SLBP: variants seen among roughly 807,000 people sequenced by gnomAD.
SLBP encodes the protein stem-loop histone mRNA binding protein, also known as histone RNA hairpin-binding protein.
In SLBP, 29 loss-of-function variants were observed where a neutral mutation model predicts 39.2. The ratio of observed to expected loss-of-function variants is 0.74; its 90% CI spans 0.55 to 1.01. The LOEUF (loss-of-function observed/expected upper bound fraction) is 1.01, where lower values mean the gene tolerates loss of function less well. Among genes scored for constraint, SLBP ranks in the 50% least tolerant of loss-of-function variants. The pLI is 0.00. For missense variants in SLBP, 390 were observed against 350.2 expected, an observed-to-expected ratio of 1.11 and a Z score of -0.91; for synonymous variants, 129 against 118.7, an observed-to-expected ratio of 1.09 and a Z score of -0.57.
At chr4:1,701,142 T>C (rs887351187) in intron 3 of SLBP, among the ~76,000 whole-genome samples, 3 of 129,462 alleles carry the variant, frequency 2.3e-5, no homozygotes, top group African/African-American at 5.2e-5. Context: ...ATTTTCTTTT[T>C]TTTCTTTTTT....
At chr4:1,705,624 G>A (rs1577184834) in intron 2 of SLBP, among the ~76,000 whole-genome samples, 2 of 152,168 alleles carry the variant, frequency 1.3e-5, no homozygotes, top group African/African-American at 4.8e-5. Context: ...CTGAGACTGG[G>A]TACAGTACTG....
intron 5 of SLBP, 133 bp downstream of exon 5, chr4:1,699,431 G>A (rs937422858): frequency 1.4e-6 from 1 of 714,954 alleles, no homozygotes; most frequent in East Asian, 2.5e-5. Flanking sequence ...ATAAGCCCCA[G>A]TAAGTCCCTA....
At chr4:1,696,444 T>G (rs1716107637) in intron 5 of SLBP, 93 bp from the exon 6 acceptor site, 2 of 1,130,496 alleles carry the variant, frequency 1.8e-6, no homozygotes, top group African/African-American at 3.2e-5. Flanking sequence ...ATTAGTATTA[T>G]TTTAAATATT....
At chr4:1,696,880 C>A (rs995667630) in intron 5 of SLBP, among the ~76,000 whole-genome samples, 13 of 146,752 alleles carry the variant, frequency 8.9e-5, no homozygotes, top group African/African-American at 2.8e-4. Context: ...ATGGGCAACA[C>A]AGCGAGACTT....
chr4:1,696,822 G>A (rs1454389553), intron 5 of SLBP, among the ~76,000 whole-genome samples: 2 of 151,488 alleles, frequency 1.3e-5, no homozygotes, highest in Non-Finnish European at 2.9e-5. Context: ...GCCTGAACCC[G>A]GGAGGCAGAG....
intron 6 of SLBP, among the ~76,000 whole-genome samples, chr4:1,695,952 CAACA>C (rs1716089898): frequency 6.6e-6 from 1 of 152,100 alleles, no homozygotes; most frequent in African/African-American, 2.4e-5. Context: ...AACAGCAAAA[CAACA>C]AACAAAAACT....
intron 5 of SLBP, among the ~76,000 whole-genome samples, chr4:1,698,497 T>A (rs557983980): frequency 2.0e-5 from 3 of 151,698 alleles, no homozygotes; most frequent in Non-Finnish European, 4.4e-5. Context: ...AAAAATTGTT[T>A]TTTTTGAGAT....
intron 2 of SLBP, among the ~76,000 whole-genome samples, chr4:1,710,290 G>A (rs942468541): frequency 5.9e-5 from 9 of 152,156 alleles, no homozygotes; most frequent in African/African-American, 2.2e-4. Context: ...CATCTCCTTT[G>A]CTTCTCTAAG....
At chr4:1,701,150 T>TTTC (rs899219697) in intron 3 of SLBP, among the ~76,000 whole-genome samples, 12 of 147,258 alleles carry the variant, frequency 8.1e-5, no homozygotes, top group Non-Finnish European at 1.8e-4. Context: ...TTTTTTCTTT[T>TTTC]TTTTTTTTTT....
At position 1,699,644 on chromosome 4, in the gene SLBP, A is replaced by G; in HGVS notation, c.399T>C (p.Ser133=). The change falls in exon 5 of 8, where the codon AGT becomes AGC. Residue 133 remains serine, a synonymous_variant. Coordinates refer to ENST00000489418, the MANE Select transcript of SLBP (RefSeq NM_006527.4). ...TCTGCTTCTGTCTCCTCATTAGGAC[A>G]CTTTCATCTGTCTCAAAGTCAGCCG... The part of the protein sequence containing the change: ...TVPADFETDE[S]VLMRRQKQIN... 3.1e-6 allele frequency: 5 copies of G among 1,613,566 alleles called. No homozygotes were observed. The highest frequency in any genetic ancestry group is 1.1e-5 in the South Asian group (1 of 91,078).
chr4:1,699,676 T>C lies in SLBP; in HGVS notation c.367A>G (p.Thr123Ala), dbSNP rs775346139. 4.3e-6 allele frequency: 7 copies of C among 1,613,760 alleles called. No individual in the cohort carries two copies. Among genetic ancestry groups the C allele is most frequent in the South Asian group, 1.1e-5 (1 of 91,078 alleles). The change falls in exon 5 of 8, where the codon ACT becomes GCT. Residue 123 changes from threonine (T) to alanine (A), a missense_variant. Coordinates refer to ENST00000489418, the MANE Select transcript of SLBP (RefSeq NM_006527.4). ...TCTGTCTCAAAGTCAGCCGGCACAG[T>C]AGACATAGACTCCTTTGAATCAGAA... ...GSSDSKESMS[T>A]VPADFETDES...
rs974509344 is a variant in SLBP at position 1,693,305 on chromosome 4, G to T, written c.*292C>A. On this transcript the variant is annotated 3_prime_UTR_variant, in exon 8 of 8. Transcript: ENST00000489418. ...CCTGTGGAAAACCAGTTATGTAGACGTGTCAGCTTACCCTGGAGGACAACA... is the reference window on the plus strand; with the variant it reads ...CCTGTGGAAAACCAGTTATGTAGACTTGTCAGCTTACCCTGGAGGACAACA... The T allele has an allele frequency of 3.5e-6, 1 of 281,800 alleles. No homozygotes were observed. The highest frequency in any genetic ancestry group is 2.2e-5 in the African/African-American group (1 of 45,676). 17.5% of individuals were successfully genotyped at this position (281,800 alleles called of 1,614,324 possible).
At chr4:1,698,232 C>A (rs545708707) in intron 5 of SLBP, among the ~76,000 whole-genome samples, 1 of 151,568 alleles carries the variant, frequency 6.6e-6, no homozygotes, top group Admixed American at 6.6e-5. Context: ...TGGTGGCAGG[C>A]GCCTGTGGAG....
chr4:1,708,410 C>T (rs1226564347), intron 2 of SLBP, among the ~76,000 whole-genome samples: 1 of 152,142 alleles, frequency 6.6e-6, no homozygotes, highest in African/African-American at 2.4e-5. Flanking sequence ...CTCAGATAAA[C>T]TTAAATTGGA....
chr4:1,700,532 C>T (rs1176498185), intron 3 of SLBP, among the ~76,000 whole-genome samples: 2 of 150,792 alleles, frequency 1.3e-5, no homozygotes, highest in African/African-American at 4.9e-5. Context: ...GTTGAAACCA[C>T]GAGCTACCTT....
At chr4:1,707,668 C>T (rs1027221567) in intron 2 of SLBP, among the ~76,000 whole-genome samples, 2 of 151,868 alleles carry the variant, frequency 1.3e-5, no homozygotes, top group South Asian at 2.1e-4. Flanking sequence ...GATACTGGGC[C>T]GGGTGCACAG....
Position 1,696,250 on chromosome 4 carries a change from A to T in SLBP, c.581T>A (p.Leu194Gln). The T allele has an allele frequency of 1.2e-6, 2 of 1,602,510 alleles. No homozygotes were observed. The highest frequency in any genetic ancestry group is 1.7e-6 in the Non-Finnish European group (2 of 1,175,706). Reference protein sequence around the residue: ...DQQIKLWKVALHFWDPPAEEG... With the variant: ...DQQIKLWKVAQHFWDPPAEEG... ...TTCCGCTGGAGGATCCCAAAAATGC[A>T]GAGCCACCTTCCAGAGTTTGATTTG... Residue 194 changes from leucine to glutamine, a missense_variant, in exon 6 of 8, where the codon CTG becomes CAG. Leu to Gln is a moderately radical substitution (Grantham distance 113, BLOSUM62 -2). Transcript: ENST00000489418.
In SLBP at chr4:1,712,212, C is replaced by T; in HGVS notation, c.-24G>A. 2 of 1,257,964 alleles carry T rather than the reference C, an allele frequency of 1.6e-6. No homozygotes were observed. Among genetic ancestry groups the T allele is most frequent in the Non-Finnish European group, 2.0e-6 (2 of 1,000,296 alleles). The allele number at this position is 1,257,964 out of a possible 1,614,324, so 77.9% of individuals were successfully genotyped here. The stretch of plus-strand genomic sequence containing the variant: ...ATGGCAGCACGGGCCGGGCGCGCAG[C>T]GCAGGGCCGAGGCTGAGGCGGCGGC... On this transcript the variant is annotated 5_prime_UTR_variant, in exon 1 of 8. Coordinates refer to ENST00000489418, the MANE Select transcript of SLBP (RefSeq NM_006527.4).
In SLBP at chr4:1,693,473, C is replaced by A; in HGVS notation, c.*124G>T. The A allele has an allele frequency of 3.0e-6, 2 of 664,976 alleles. No individual in the cohort carries two copies. Among genetic ancestry groups the A allele is most frequent in the South Asian group, 1.8e-5 (1 of 54,358 alleles). The allele number at this position is 664,976 out of a possible 1,614,324, so 41.2% of individuals were successfully genotyped here. On this transcript the variant is annotated 3_prime_UTR_variant, in exon 8 of 8. Transcript: ENST00000489418. ...AGAAAGTAAGGCAAAAATAATTCAG[C>A]ATGAGCTAATGGACTGCTAACAGAG...
Sources: gnomAD v4.1 joint callset for allele counts (sites outside exome capture counted in the v4.1 genomes callset) on GRCh38, gnomAD v4.1.1 for gene constraint, MANE v1.5 for transcripts, NCBI Gene and HGNC (gene_info 2026-07-23, HGNC 2026-07-21) for gene names.